SATB2: variants seen among roughly 807,000 people sequenced by gnomAD.
SATB2 encodes SATB homeobox 2, also known as DNA-binding protein SATB2.
In SATB2, 1 loss-of-function variant was observed where a neutral mutation model predicts 73.4. The ratio of observed to expected loss-of-function variants is 0.01; its 90% CI spans 0.00 to 0.06. The LOEUF (loss-of-function observed/expected upper bound fraction) is 0.06, where lower values mean the gene tolerates loss of function less well. Ranked by LOEUF, SATB2 falls within the 10% of genes least tolerant of loss-of-function variation. The pLI, the probability that SATB2 is intolerant of heterozygous loss-of-function variation, is 1.00. For missense variants in SATB2, 459 were observed against 945.8 expected (o/e 0.49, Z 6.75); for synonymous variants, 397 against 367.0 (o/e 1.08, Z -0.93).
intron 7 of SATB2, among the ~76,000 whole-genome samples, chr2:199,340,350 C>T (rs1397131679): frequency 6.6e-6 from 1 of 152,130 alleles, no homozygotes; most frequent in Non-Finnish European, 1.5e-5. Flanking sequence ...GACCAGGATG[C>T]ACAGCTTTCC....
At chr2:199,465,939 G>A (rs1462802866), upstream of SATB2, among the ~76,000 whole-genome samples, 1 of 152,114 alleles carries the variant, frequency 6.6e-6, no homozygotes, top group African/African-American at 2.4e-5. Flanking sequence ...GGGAAAAGTC[G>A]GCTCCAGAAG....
intron 5 of SATB2, among the ~76,000 whole-genome samples, chr2:199,372,578 A>G (rs1346546940): frequency 6.6e-6 from 1 of 152,150 alleles, no homozygotes; most frequent in Non-Finnish European, 1.5e-5. Flanking sequence ...TCTTTCCCAA[A>G]GTCAAATAGC....
At chr2:199,465,885 G>T (rs1692584005), upstream of SATB2, among the ~76,000 whole-genome samples, 1 of 152,206 alleles carries the variant, frequency 6.6e-6, no homozygotes, top group Non-Finnish European at 1.5e-5. Flanking sequence ...ATGCTAAATA[G>T]TAAAGGAAAA....
intron 3 of SATB2, among the ~76,000 whole-genome samples, chr2:199,427,322 C>T (rs190523175): frequency 6.7e-4 from 102 of 151,598 alleles, no homozygotes; most frequent in African/African-American, 2.3e-3. Flanking sequence ...GAATAGATAA[C>T]CCATAGATTC....
intron 8 of SATB2, among the ~76,000 whole-genome samples, chr2:199,326,778 A>C (rs1202551834): frequency 1.3e-5 from 2 of 152,136 alleles, no homozygotes; most frequent in Admixed American, 1.3e-4. Flanking sequence ...TTTTTTTTTA[A>C]GTAAACAAAA....
intron 10 of SATB2, among the ~76,000 whole-genome samples, chr2:199,275,486 G>C (rs1457342394): frequency 4.4e-5 from 1 of 22,900 alleles, no homozygotes; most frequent in Non-Finnish European, 4.3e-3. Context: ...GGTGCTATTT[G>C]GATTCAAGAT....
At position 199,318,073 on chromosome 2, in the gene SATB2, C is replaced by A. The variant is rs928025686; in HGVS notation, c.1542+5730G>T. On this transcript the variant is annotated intron_variant, in intron 9 of 10. Coordinates refer to ENST00000417098, the MANE Select transcript of SATB2 (RefSeq NM_001172509.2). ...TCTGAAGAAAGCTACCTGGCAGCTA[C>A]TCAGTCAAGGCTGTACACCTCATTT... is the stretch of plus-strand genomic sequence containing the variant. 1.3e-3 allele frequency among the ~76,000 whole-genome samples: 201 copies of A among 152,002 alleles called. 5 individuals carry two copies. The highest frequency in any genetic ancestry group is 4.8e-3 in the African/African-American group (197 of 41,338).
chr2:199,431,409 T>C (rs1574623431), intron 3 of SATB2, among the ~76,000 whole-genome samples: 1 of 152,130 alleles, frequency 6.6e-6, no homozygotes, highest in East Asian at 1.9e-4. Flanking sequence ...TTTTTCTTTG[T>C]GAGATTACAG....
rs1377291023 is a variant in SATB2 at position 199,309,908 on chromosome 2, A to G, written c.1543-951T>C. Among the ~76,000 whole-genome samples, 3 of 152,210 alleles carry G rather than the reference A, an allele frequency of 2.0e-5. No homozygotes were observed. The East Asian group carries it at 5.8e-4, about 29-fold the overall frequency. ...ATTCCCAAACCTCAACAAATTCTAT[A>G]TCATCACTTGTAAGCCAATGAAAGT... On this transcript the variant is annotated intron_variant, in intron 9 of 10. Transcript: ENST00000417098.
intron 3 of SATB2, among the ~76,000 whole-genome samples, chr2:199,432,048 G>A (rs979453075): frequency 1.3e-5 from 2 of 152,084 alleles, no homozygotes; most frequent in Non-Finnish European, 2.9e-5. Context: ...GAAAGTCGTT[G>A]GAAAAAGGAA....
chr2:199,386,308 C>CAGATTTTCAGATTTG (rs1689930690), intron 3 of SATB2, among the ~76,000 whole-genome samples: 1 of 152,158 alleles, frequency 6.6e-6, no homozygotes, highest in Non-Finnish European at 1.5e-5. Flanking sequence ...TTTCAGATTT[C>CAGATTTTCAGATTTG]AGATTTTCAG....
intron 6 of SATB2, among the ~76,000 whole-genome samples, chr2:199,355,225 T>C (rs1277295704): frequency 6.7e-6 from 1 of 150,358 alleles, no homozygotes; most frequent in East Asian, 2.0e-4. Flanking sequence ...AGTGTGTATA[T>C]ATGTGTATAT....
Position 199,349,131 on chromosome 2 carries a change from A to C in SATB2, c.743T>G (p.Leu248Arg), listed in dbSNP as rs200620268. ...ERENLSDYCV[L>R]GQRPMHLPNM... is the part of the protein sequence containing the mutation. ...TGGTAAATGCATTGGACGCTGGCCC[A>C]GAACACAATAGTCTGAAAGGTTTTC... Residue 248 changes from leucine to arginine, a missense_variant, in exon 7 of 11, where the codon CTG (leucine) becomes CGG (arginine). Leu to Arg is a moderately radical substitution (Grantham distance 102). Transcript: ENST00000417098. The C allele has an allele frequency of 1.5e-5, 25 of 1,614,068 alleles. No homozygotes were observed. The highest frequency in any genetic ancestry group is 2.0e-5 in the Non-Finnish European group (24 of 1,179,956).
At chr2:199,347,085 T>A in intron 7 of SATB2, 1 of 152,286 alleles carries the variant, frequency 6.6e-6, no homozygotes, top group East Asian at 1.9e-4. Context: ...TTGCCCAGGC[T>A]GGTCTTGAAC....
intron 2 of SATB2, among the ~76,000 whole-genome samples, chr2:199,439,878 C>T (rs962516795): frequency 2.6e-5 from 4 of 152,046 alleles, no homozygotes; most frequent in South Asian, 2.1e-4. Flanking sequence ...CCAAGGCAGG[C>T]GGATCACCTG....
intron 2 of SATB2, among the ~76,000 whole-genome samples, chr2:199,453,503 CTACTT>C (rs1329303683): frequency 3.3e-5 from 5 of 151,836 alleles, no homozygotes; most frequent in South Asian, 2.1e-4. Context: ...GAAATATAAT[CTACTT>C]TATATTTACT....
chr2:199,458,620 T>C (rs775798045), upstream of SATB2: 1 of 435,106 alleles, frequency 2.3e-6, no homozygotes, highest in South Asian at 1.6e-5. Context: ...GACAAGGCAG[T>C]CGCTGGGTGC....
At chr2:199,339,047 T>C (rs1688426735) in intron 7 of SATB2, among the ~76,000 whole-genome samples, 1 of 152,150 alleles carries the variant, frequency 6.6e-6, no homozygotes, top group Non-Finnish European at 1.5e-5. Context: ...TACAAGTCTC[T>C]ACTTCAGGTG....
chr2:199,369,672 G>T (rs186335429), intron 5 of SATB2, among the ~76,000 whole-genome samples: 131 of 152,210 alleles, frequency 8.6e-4, no homozygotes, highest in African/African-American at 2.8e-3. Context: ...CTCAAAAAAA[G>T]TTAGCCCCAG....
Sources: gnomAD v4.1 joint callset for allele counts (sites outside exome capture counted in the v4.1 genomes callset) on GRCh38, gnomAD v4.1.1 for gene constraint, MANE v1.5 for transcripts, NCBI Gene and HGNC (gene_info 2026-07-23, HGNC 2026-07-21) for gene names.